Variants in ARHGEF10L observed in about 807,000 individuals in gnomAD.
The protein encoded by ARHGEF10L is Rho guanine nucleotide exchange factor 10 like.
In ARHGEF10L, 69 loss-of-function variants were observed where a neutral mutation model predicts 141.2. The observed-to-expected ratio is 0.49, with a 90% CI of 0.40 to 0.60. The LOEUF is 0.60. Among genes scored for constraint, ARHGEF10L ranks in the 20% least tolerant of loss-of-function variants. ARHGEF10L has a pLI of 0.00. For synonymous variants in ARHGEF10L, 711 were observed against 718.5 expected, an observed-to-expected ratio of 0.99 and a Z score of 0.17; for missense variants, 1,482 against 1,734.3, an observed-to-expected ratio of 0.85 and a Z score of 2.58.
chr1:17,656,961 A>G lies in ARHGEF10L; in HGVS notation c.2860+253A>G, dbSNP rs1490826107. On this transcript the variant is annotated intron_variant, in intron 25 of 28. Transcript: ENST00000361221. This position sits in a 1 kb window ranked among gnomAD's most constrained non-coding sequence, Gnocchi z 4.9. ...TTGACAGGAGACTGTAGTGGATAAG[A>G]GAGGTACTCGCAGGTTGGAGAGACC... 1.3e-5 allele frequency among the ~76,000 whole-genome samples: 2 copies of G among 152,150 alleles called. No homozygotes were observed. The highest frequency in any genetic ancestry group is 2.9e-5 in the Non-Finnish European group (2 of 68,026).
chr1:17,675,026 C>T (rs2063557278), intron 26 of ARHGEF10L, among the ~76,000 whole-genome samples: 1 of 152,144 alleles, frequency 6.6e-6, no homozygotes. Flanking sequence ...CATATAAGTT[C>T]TTGACTGTGG....
rs771233414 is a variant in ARHGEF10L at position 17,623,731 on chromosome 1, C to T, written c.1200+556C>T. 6.6e-6 allele frequency among the ~76,000 whole-genome samples: 1 copy of T among 152,138 alleles called. No individual in the cohort carries two copies. Among genetic ancestry groups the T allele is most frequent in the African/African-American group, 2.4e-5 (1 of 41,422 alleles). ...TTCTGGCTTTTCTAGCTGAAGTCTG[C>T]GGACCCCAGATGTTCATGGGGTGAG... On this transcript the variant is annotated intron_variant, in intron 12 of 28. Transcript: ENST00000361221. This position sits in a 1 kb window ranked among gnomAD's most constrained non-coding sequence, Gnocchi z 4.7.
chr1:17,653,090 G>A lies in ARHGEF10L; in HGVS notation c.2395-1546G>A, dbSNP rs528274394. On this transcript the variant is annotated intron_variant, in intron 22 of 28. Transcript: ENST00000361221. ...TAAGCCTTAGTAGCTGCAGGGTACTGGGTACCTGGCCCTGGGCCGGGTGCT... is the reference window on the plus strand; with the variant it reads ...TAAGCCTTAGTAGCTGCAGGGTACTAGGTACCTGGCCCTGGGCCGGGTGCT... Among the ~76,000 whole-genome samples, 3 of 152,312 alleles carry A rather than the reference G, an allele frequency of 2.0e-5. No homozygotes were observed. In the East Asian group the frequency reaches 5.8e-4, roughly 29 times the overall value.
intron 21 of ARHGEF10L, among the ~76,000 whole-genome samples, chr1:17,642,417 G>A (rs1039675311): frequency 1.2e-4 from 19 of 152,246 alleles, no homozygotes; most frequent in Non-Finnish European, 1.5e-4. Flanking sequence ...CTGGGAAGCC[G>A]GGGAGAGCCG....
At chr1:17,596,811 C>T (rs902157701) in intron 4 of ARHGEF10L, among the ~76,000 whole-genome samples, 7 of 152,118 alleles carry the variant, frequency 4.6e-5, no homozygotes, top group East Asian at 1.9e-4. Flanking sequence ...GAGTACTAGG[C>T]GGATCCGAGG....
Position 17,664,517 on chromosome 1 carries a change from G to C in ARHGEF10L, c.2931G>C (p.Leu977=), listed in dbSNP as rs377464353. The C allele has an allele frequency of 6.2e-7, 1 of 1,608,546 alleles. No individual in the cohort carries two copies. Among genetic ancestry groups the C allele is most frequent in the Non-Finnish European group, 8.5e-7 (1 of 1,179,640 alleles). The change falls in exon 26 of 29, where the codon CTG becomes CTC. Residue 977 remains leucine, a synonymous_variant. Coordinates refer to ENST00000361221, the MANE Select transcript of ARHGEF10L (RefSeq NM_018125.4). The stretch of plus-strand genomic sequence containing the variant: ...TGGGGCCCGGGCCTGTCCGCACCCT[G>C]TTGAGCCTGGAGGATGCCGTGTGGG... ...LTVGPGPVRT[L]LSLEDAVWAS... is the part of the protein sequence containing the mutation.
intron 12 of ARHGEF10L, 32 bp from the exon 13 acceptor site, chr1:17,624,355 G>A (rs775790664): frequency 6.4e-6 from 10 of 1,553,404 alleles, no homozygotes; most frequent in African/African-American, 5.4e-5. Context: ...GCATTGAGGC[G>A]GTCTCCCTGG....
At position 17,588,544 on chromosome 1, in the gene ARHGEF10L, GA is replaced by G; in HGVS notation, c.257+66del. 4 of 1,603,658 alleles carry G rather than the reference GA, an allele frequency of 2.5e-6. No individual in the cohort carries two copies. In the South Asian group the frequency reaches 4.4e-5, roughly 18 times the overall value. On this transcript the variant is annotated intron_variant, in intron 4 of 28. Transcript: ENST00000361221. ...AGGGAGACACCGGGCAGTGGGTGGG[GA>G]TGGGGTGGAGCTGAGGCCCAGAGGA... is the stretch of plus-strand genomic sequence containing the variant.
chr1:17,541,563 GCT>G (rs1442964406), intron 1 of ARHGEF10L, among the ~76,000 whole-genome samples: 2 of 152,228 alleles, frequency 1.3e-5, no homozygotes, highest in Non-Finnish European at 2.9e-5. Flanking sequence ...GGGTGTGGTG[GCT>G]CACCCTTGTA....
At chr1:17,680,925 A>T (rs184413566) in intron 26 of ARHGEF10L, among the ~76,000 whole-genome samples, 2 of 151,874 alleles carry the variant, frequency 1.3e-5, no homozygotes, top group Non-Finnish European at 2.9e-5. Flanking sequence ...CTGGGATTAC[A>T]AGTGCCCACC....
intron 15 of ARHGEF10L, among the ~76,000 whole-genome samples, chr1:17,629,233 C>G (rs2060547487): frequency 6.6e-6 from 1 of 150,938 alleles, no homozygotes; most frequent in African/African-American, 2.4e-5. Flanking sequence ...CACTATGATG[C>G]CCAGGCTGGT....
chr1:17,642,346 A>T (rs2061372372), intron 21 of ARHGEF10L, among the ~76,000 whole-genome samples: 1 of 152,226 alleles, frequency 6.6e-6, no homozygotes, highest in Non-Finnish European at 1.5e-5. Flanking sequence ...GGAAGCCCAG[A>T]GTGGCCAGCA....
At chr1:17,608,073 T>G in intron 7 of ARHGEF10L, 96 bp downstream of exon 7, 1 of 1,251,082 alleles carries the variant, frequency 8.0e-7, no homozygotes, top group Non-Finnish European at 1.0e-6. Flanking sequence ...GGGCCAGGCC[T>G]AGGACTCACG....
At chr1:17,540,851 T>C (rs112963541) in intron 1 of ARHGEF10L, among the ~76,000 whole-genome samples, 2 of 152,336 alleles carry the variant, frequency 1.3e-5, no homozygotes, top group African/African-American at 4.8e-5. Flanking sequence ...GAGCCCCATC[T>C]GCTCCTCCTC....
At chr1:17,520,103 A>T in the ARHGEF10L span, among the ~76,000 whole-genome samples, 1 of 152,020 alleles carries the variant, frequency 6.6e-6, no homozygotes, top group Non-Finnish European at 1.5e-5. Flanking sequence ...TGGATTCCCC[A>T]TCTTGGTTCT....
intron 2 of ARHGEF10L, among the ~76,000 whole-genome samples, chr1:17,587,085 TCAA>T (rs2079084114): frequency 6.6e-6 from 1 of 152,128 alleles, no homozygotes; most frequent in African/African-American, 2.4e-5. Flanking sequence ...CACAGACACA[TCAA>T]CACACAAACA....
chr1:17,637,924 A>G lies in ARHGEF10L; in HGVS notation c.1964A>G (p.Glu655Gly). The G allele has an allele frequency of 6.2e-7, 1 of 1,600,786 alleles. No individual in the cohort carries two copies. The highest frequency in any genetic ancestry group is 8.5e-7 in the Non-Finnish European group (1 of 1,173,742). ...VYLGPPRLFQ[E>G]LQDLQKDLAV... Reference sequence around the variant, plus strand: ...CTCGGCCCCCCACGCCTCTTCCAGGAGCTGCAGGACCTGCAGAAGGACCTG... The same window carrying G: ...CTCGGCCCCCCACGCCTCTTCCAGGGGCTGCAGGACCTGCAGAAGGACCTG... The change falls in exon 19 of 29, where the codon GAG becomes GGG. Residue 655 changes from glutamate (E) to glycine (G), a missense_variant. By Grantham distance (98) the Glu-to-Gly change is moderately conservative (BLOSUM62 -2). Coordinates refer to ENST00000361221, the MANE Select transcript of ARHGEF10L (RefSeq NM_018125.4).
At chr1:17,587,935 C>G (rs2079163027) in intron 3 of ARHGEF10L, among the ~76,000 whole-genome samples, 1 of 152,258 alleles carries the variant, frequency 6.6e-6, no homozygotes, top group South Asian at 2.1e-4. Flanking sequence ...GAAGTCCTCC[C>G]TGCAGCTTCT....
At chr1:17,580,455 C>A in intron 1 of ARHGEF10L, 98 bp from the exon 2 acceptor site, 1 of 1,070,022 alleles carries the variant, frequency 9.3e-7, no homozygotes, top group Non-Finnish European at 1.4e-6. Flanking sequence ...CTGAGAGCCA[C>A]TGGGCTGAAG....
Sources: allele counts gnomAD v4.1 joint callset (sites outside exome capture counted in the v4.1 genomes callset), GRCh38; gene constraint gnomAD v4.1.1; non-coding constraint Gnocchi (gnomAD v3.1); transcripts MANE v1.5; gene names NCBI Gene and HGNC (gene_info 2026-07-23, HGNC 2026-07-21).